The following PTPN2 variants were observed in gnomAD, a reference collection of about 807,000 sequenced individuals.
PTPN2 encodes tyrosine-protein phosphatase non-receptor type 2.
A neutral mutation model predicts 57.3 loss-of-function variants in PTPN2; 19 were observed. That is an observed-to-expected ratio of 0.33 (90% CI 0.23 to 0.49). PTPN2 has a LOEUF of 0.49. Ranked by LOEUF, PTPN2 falls within the 20% of genes least tolerant of loss-of-function variation. The pLI is 0.99. For synonymous variants in PTPN2, 153 were observed against 164.9 expected, an observed-to-expected ratio of 0.93 and a Z score of 0.55; for missense variants, 358 against 501.1, an observed-to-expected ratio of 0.71 and a Z score of 2.73.
chr18:12,816,922 A>G (rs2042096076), intron 6 of PTPN2, among the ~76,000 whole-genome samples: 1 of 152,190 alleles, frequency 6.6e-6, no homozygotes, highest in African/African-American at 2.4e-5. Flanking sequence ...AGCTACCAGG[A>G]AGAAAAACAC....
chr18:12,821,934 T>C lies in PTPN2; in HGVS notation c.495+3876A>G, dbSNP rs145838043. 7.1e-4 allele frequency among the ~76,000 whole-genome samples: 108 copies of C among 152,304 alleles called. 1 individual carries two copies. Among genetic ancestry groups the C allele is most frequent in the African/African-American group, 2.5e-3 (102 of 41,558 alleles). Reference sequence around the variant, plus strand: ...GTGCTTAAAATGTACTCTTGTGTAATGGCGGGGGGGTACCAAGGCAGCAGA... The same window carrying C: ...GTGCTTAAAATGTACTCTTGTGTAACGGCGGGGGGGTACCAAGGCAGCAGA... On this transcript the variant is annotated intron_variant, in intron 5 of 8. Transcript: ENST00000309660.
intron 5 of PTPN2, chr18:12,819,214 T>G (rs2042187658): frequency 7.1e-7 from 1 of 1,399,696 alleles, no homozygotes; most frequent in African/African-American, 1.5e-5. Context: ...AAGTACATAC[T>G]TTTAGTGACC....
At chr18:12,838,216 A>G (rs948725329) in intron 2 of PTPN2, among the ~76,000 whole-genome samples, 2 of 152,224 alleles carry the variant, frequency 1.3e-5, no homozygotes, top group Non-Finnish European at 1.5e-5. Flanking sequence ...TAATCACAGA[A>G]AGAACACTAA....
intron 1 of PTPN2, among the ~76,000 whole-genome samples, chr18:12,869,662 A>G (rs1390037391): frequency 6.6e-6 from 1 of 152,228 alleles, no homozygotes; most frequent in Non-Finnish European, 1.5e-5. Context: ...GTAGTAGCAA[A>G]TAAGAACTTA....
At chr18:12,836,640 A>G (rs2042875649) in intron 3 of PTPN2, 151 bp downstream of exon 3, 1 of 572,078 alleles carries the variant, frequency 1.7e-6, no homozygotes, top group African/African-American at 1.9e-5. Flanking sequence ...TCAAAACCTT[A>G]TAATGTCCAT....
intron 1 of PTPN2, among the ~76,000 whole-genome samples, chr18:12,860,999 T>G (rs1323172203): frequency 6.6e-6 from 1 of 152,148 alleles, no homozygotes; most frequent in East Asian, 1.9e-4. Context: ...AAAAGTTAGG[T>G]GCCATTTTGT....
chr18:12,822,572 T>A, intron 5 of PTPN2, among the ~76,000 whole-genome samples: 1 of 152,206 alleles, frequency 6.6e-6, no homozygotes. Flanking sequence ...TCCATTAGAC[T>A]GGAGGAGGCG....
downstream of PTPN2, among the ~76,000 whole-genome samples, chr18:12,788,715 GAAAAGGCTCAGCAATGGCAGTGAGGA>G (rs1165813906): frequency 6.6e-6 from 1 of 152,096 alleles, no homozygotes; most frequent in African/African-American, 2.4e-5. Flanking sequence ...TACAACAGGA[GAAAAGGCTCAGCAATGGCAGTGAGGA>G]AAAATGCTCC....
In PTPN2 at chr18:12,870,392, T is replaced by C. The variant is rs1178270365; in HGVS notation, c.70-11138A>G. On this transcript the variant is annotated intron_variant, in intron 1 of 8. Coordinates refer to ENST00000309660, the MANE Select transcript of PTPN2 (RefSeq NM_002828.4). ...ATATATACATATATATACGTATATA[T>C]GTATATATACACGTATATATATGTA... Among the ~76,000 whole-genome samples the C allele has an allele frequency of 3.0e-4, 20 of 67,638 alleles. 1 individual carries two copies. The highest frequency in any genetic ancestry group is 5.3e-3 in the Middle Eastern group (1 of 190). The allele number at this position is 67,638 out of a possible 152,430, so 44.4% of individuals were successfully genotyped here.
chr18:12,881,674 C>T (rs919685090), intron 1 of PTPN2, among the ~76,000 whole-genome samples: 1 of 152,150 alleles, frequency 6.6e-6, no homozygotes, highest in African/African-American at 2.4e-5. Flanking sequence ...GTCCTCTTCC[C>T]CTGGCCAATG....
chr18:12,854,572 T>C (rs957146332), intron 2 of PTPN2, among the ~76,000 whole-genome samples: 1 of 152,048 alleles, frequency 6.6e-6, no homozygotes, highest in African/African-American at 2.4e-5. Flanking sequence ...GAACACTCAC[T>C]CAGTGTATAC....
chr18:12,870,429 A>G (rs1220311619), intron 1 of PTPN2, among the ~76,000 whole-genome samples: 4 of 40,110 alleles, frequency 1.0e-4, no homozygotes, highest in Non-Finnish European at 1.1e-4. Context: ...ATATATACGT[A>G]TATATATATG....
chr18:12,863,064 G>C (rs1001738411), intron 1 of PTPN2: 1 of 152,134 alleles, frequency 6.6e-6, no homozygotes, highest in African/African-American at 2.4e-5. Flanking sequence ...AATGGCATTA[G>C]GAAAGCAGAC....
intron 7 of PTPN2, among the ~76,000 whole-genome samples, chr18:12,808,272 A>G (rs2041761258): frequency 6.6e-6 from 1 of 152,018 alleles, no homozygotes; most frequent in African/African-American, 2.4e-5. Context: ...ATACTTATAT[A>G]TATTTCAAGT....
chr18:12,838,452 C>A (rs934653841), intron 2 of PTPN2, among the ~76,000 whole-genome samples: 22 of 152,210 alleles, frequency 1.4e-4, no homozygotes, highest in Non-Finnish European at 1.5e-5. Context: ...AACTAAAATT[C>A]ACTGCTATTT....
At chr18:12,875,887 T>G (rs2044470677) in intron 1 of PTPN2, among the ~76,000 whole-genome samples, 1 of 152,182 alleles carries the variant, frequency 6.6e-6, no homozygotes. Flanking sequence ...AGAAATTCTC[T>G]GCAGAGTAAC....
At chr18:12,853,987 A>G (rs546265149) in intron 2 of PTPN2, among the ~76,000 whole-genome samples, 2 of 152,302 alleles carry the variant, frequency 1.3e-5, no homozygotes, top group Non-Finnish European at 2.9e-5. Flanking sequence ...ATGGGTTTGG[A>G]GGCTACTGTA....
chr18:12,858,176 C>A (rs934404296), intron 2 of PTPN2, among the ~76,000 whole-genome samples: 1 of 152,132 alleles, frequency 6.6e-6, no homozygotes, highest in Non-Finnish European at 1.5e-5. Flanking sequence ...TAGCAGGCAG[C>A]ACCATACCCT....
chr18:12,804,289 C>A (rs77403919), intron 7 of PTPN2, among the ~76,000 whole-genome samples: 639 of 67,782 alleles, frequency 9.4e-3, no homozygotes, highest in East Asian at 0.013. Flanking sequence ...GAAACTGTCT[C>A]AAAAAAAAAA....
Sources: allele counts gnomAD v4.1 joint callset (sites outside exome capture counted in the v4.1 genomes callset), GRCh38; gene constraint gnomAD v4.1.1; transcripts MANE v1.5; gene names NCBI Gene and HGNC (gene_info 2026-07-23, HGNC 2026-07-21).